Variants in UCP3 observed in about 807,000 individuals in gnomAD.
UCP3 encodes the protein putative mitochondrial transporter UCP3.
UCP3 carries 24 observed loss-of-function variants against 28.1 expected under a neutral mutation model. The observed-to-expected ratio is 0.85, with a 90% CI of 0.62 to 1.20. The LOEUF is 1.20. Among genes scored for constraint, UCP3 ranks in the 50% most tolerant of loss-of-function variants. UCP3 has a pLI of 0.00. For missense variants in UCP3, 397 were observed against 422.2 expected (o/e 0.94, Z 0.52); for synonymous variants, 184 against 171.2 (o/e 1.07, Z -0.59).
At chr11:74,002,233 C>A in intron 6 of UCP3, 1 of 154,204 alleles carries the variant, frequency 6.5e-6, no homozygotes, top group Non-Finnish European at 1.4e-5. Context: ...CCCTCCATGC[C>A]TTTGCTCCTC....
chr11:74,000,346 C>T lies in UCP3; in HGVS notation c.*1066G>A, dbSNP rs1417069442. The T allele has an allele frequency of 6.6e-6, 1 of 151,830 alleles. No individual in the cohort carries two copies. The highest frequency in any genetic ancestry group is 2.4e-5 in the African/African-American group (1 of 41,226). The allele number at this position is 151,830 out of a possible 1,614,324, so 9.4% of individuals were successfully genotyped here. On this transcript the variant is annotated 3_prime_UTR_variant, in exon 7 of 7. Transcript: ENST00000314032. ...AGTCATAATAATTTCCCGAGAATTC[C>T]GAGTCCTGCTACTTTAGGTTCTTGC...
chr11:74,003,522 T>C, intron 6 of UCP3: 1 of 1,105,554 alleles, frequency 9.0e-7, no homozygotes, highest in Non-Finnish European at 1.1e-6. Flanking sequence ...CCATGGTCAG[T>C]GTGGTGCTCA....
chr11:74,007,857 C>A (rs1951678844), intron 1 of UCP3, among the ~76,000 whole-genome samples: 1 of 152,146 alleles, frequency 6.6e-6, no homozygotes, highest in South Asian at 2.1e-4. Flanking sequence ...AATCTTCTTC[C>A]CAATTCACTC....
intron 3 of UCP3, 32 bp from the exon 4 acceptor site, chr11:74,005,965 C>T (rs778531573): frequency 1.9e-6 from 3 of 1,611,692 alleles, no homozygotes. Context: ...GGCCAGTGTC[C>T]CCTACTAAGC....
chr11:74,005,853 C>A lies in UCP3; in HGVS notation c.418G>T (p.Val140Leu). Reference protein sequence around the residue: ...AVTCAQPTDVVKVRFQASIHL... With the variant: ...AVTCAQPTDVLKVRFQASIHL... ...ATGCTGGCCTGAAATCGGACCTTCA[C>A]CACATCTGTGGGCTGGGCACAGGTC... The change falls in exon 4 of 7, where the codon GTG becomes TTG. Residue 140 changes from valine to leucine, a missense_variant. By Grantham distance (32) the Val-to-Leu change is conservative. Transcript: ENST00000314032. 1 of 1,614,212 alleles carries A rather than the reference C, an allele frequency of 6.2e-7. No individual in the cohort carries two copies. Among genetic ancestry groups the A allele is most frequent in the Non-Finnish European group, 8.5e-7 (1 of 1,180,046 alleles).
At chr11:74,004,061 T>G in intron 5 of UCP3, 54 bp from the exon 6 acceptor site, 4 of 1,599,834 alleles carry the variant, frequency 2.5e-6, no homozygotes, top group Non-Finnish European at 3.4e-6. Context: ...TCTGTCCATA[T>G]GTATGCACTG....
intron 3 of UCP3, 116 bp downstream of exon 3, chr11:74,006,053 C>T (rs1376055933): frequency 1.8e-4 from 282 of 1,556,926 alleles, no homozygotes; most frequent in African/African-American, 5.4e-5. Flanking sequence ...TCCTCATAAG[C>T]GTCCGGTACC....
In UCP3 at chr11:74,004,598, CG is replaced by C. The variant is rs760930623; in HGVS notation, c.542-14del. ...TTGGGCAAAGTTCCTGTTAGGAAGG[CG>C]GTGGGGAGGGATGTGAAATGGGTGG... is the stretch of plus-strand genomic sequence containing the variant. On this transcript the variant is annotated splice_polypyrimidine_tract_variant and intron_variant, in intron 4 of 6. Transcript: ENST00000314032. 374 of 1,592,582 alleles carry C rather than the reference CG, an allele frequency of 2.3e-4. No homozygotes were observed. The highest frequency in any genetic ancestry group is 3.1e-4 in the Non-Finnish European group (356 of 1,163,492).
intron 6 of UCP3, chr11:74,001,907 G>C (rs992770926): frequency 1.4e-5 from 4 of 280,812 alleles, no homozygotes; most frequent in African/African-American, 6.7e-5. Context: ...CCACCCTGCT[G>C]CTGGGTGTTT....
chr11:74,005,727 T>A lies in UCP3; in HGVS notation c.541+3A>T. 6.2e-7 allele frequency: 1 copy of A among 1,614,066 alleles called. No homozygotes were observed. ...ACCGCCTGCGTCCAGAGTCCAGACC[T>A]ACCTTTCCACAGGCCCCTGACTCCT... On this transcript the variant is annotated splice_donor_region_variant and intron_variant, in intron 4 of 6. Coordinates refer to ENST00000314032, the MANE Select transcript of UCP3 (RefSeq NM_003356.4).
intron 3 of UCP3, 39 bp from the exon 4 acceptor site, chr11:74,005,972 AAGC>A (rs1565191494): frequency 6.2e-7 from 1 of 1,609,704 alleles, no homozygotes; most frequent in Admixed American, 1.7e-5. Context: ...GTCCCCTACT[AAGC>A]AGCATTCTGG....
intron 6 of UCP3, among the ~76,000 whole-genome samples, chr11:74,003,200 G>C (rs1403766300): frequency 6.6e-6 from 1 of 152,224 alleles, no homozygotes; most frequent in Non-Finnish European, 1.5e-5. Context: ...GACTGTGGGA[G>C]ATAAAAGATG....
chr11:74,003,875 C>T lies in UCP3; in HGVS notation c.776G>A (p.Cys259Tyr), dbSNP rs1951638527. 2.5e-6 allele frequency: 4 copies of T among 1,613,890 alleles called. No individual in the cohort carries two copies. The highest frequency in any genetic ancestry group is 3.4e-6 in the Non-Finnish European group (4 of 1,179,846). Residue 259 changes from cysteine (C) to tyrosine (Y), a missense_variant, in exon 6 of 7, where the codon TGT becomes TAT. Transcript: ENST00000314032. ...CTCCTGGGCCACCATCTTTATCATACAGTCGAGGGGGCTGAAGTACTGGCC... is the reference window on the plus strand; with the variant it reads ...CTCCTGGGCCACCATCTTTATCATATAGTCGAGGGGGCTGAAGTACTGGCC... ...PPGQYFSPLD[C>Y]MIKMVAQEGP...
At chr11:74,003,764 C>T in intron 6 of UCP3, 63 bp downstream of exon 6, 2 of 1,520,274 alleles carry the variant, frequency 1.3e-6, no homozygotes. Flanking sequence ...ACGGTAGCCA[C>T]ATTCGAAAAG....
chr11:74,004,645 G>A (rs527551187), intron 4 of UCP3, 60 bp from the exon 5 acceptor site: 1 of 1,508,394 alleles, frequency 6.6e-7, no homozygotes, highest in South Asian at 1.2e-5. Flanking sequence ...ATGGGAAATG[G>A]GAGAAATGGA....
At chr11:74,003,720 C>CTGTA in intron 6 of UCP3, 107 bp downstream of exon 6, 1 of 1,500,606 alleles carries the variant, frequency 6.7e-7, no homozygotes, top group South Asian at 1.4e-5. Flanking sequence ...GCATTTACAT[C>CTGTA]TGTACTCTTC....
intron 4 of UCP3, 119 bp from the exon 5 acceptor site, chr11:74,004,704 C>G (rs1951647982): frequency 1.1e-6 from 1 of 887,468 alleles, no homozygotes; most frequent in Admixed American, 2.3e-5. Context: ...CATAGTGCCC[C>G]ATTCCAATGG....
At chr11:74,007,225 A>G (rs1951674335) in intron 1 of UCP3, 88 bp from the exon 2 acceptor site, 2 of 750,290 alleles carry the variant, frequency 2.7e-6, no homozygotes, top group Non-Finnish European at 4.2e-6. Context: ...GGCTTTAGAA[A>G]GGGAGAAGCC....
At position 74,006,373 on chromosome 11, in the gene UCP3, C is replaced by T. The variant is rs749678730; in HGVS notation, c.133G>A (p.Gly45Arg). The part of the protein sequence containing the change: ...DTAKVRLQIQ[G>R]ENQAVQTARL... ...GCCGTCTGGACCGCCTGGTTCTCCC[C>T]CTGGATCTGAGGGACAATAGCAGGG... The change falls in exon 3 of 7, where the codon GGG becomes AGG. Residue 45 changes from glycine (G) to arginine (R), a missense_variant. By Grantham distance (125) the Gly-to-Arg change is moderately radical. Coordinates refer to ENST00000314032, the MANE Select transcript of UCP3 (RefSeq NM_003356.4). The T allele has an allele frequency of 6.4e-6, 10 of 1,565,928 alleles. No homozygotes were observed. The highest frequency in any genetic ancestry group is 8.6e-6 in the Non-Finnish European group (10 of 1,159,316).
Sources: gnomAD v4.1 joint callset for allele counts (sites outside exome capture counted in the v4.1 genomes callset) on GRCh38, gnomAD v4.1.1 for gene constraint, MANE v1.5 for transcripts, NCBI Gene and HGNC (gene_info 2026-07-23, HGNC 2026-07-21) for gene names.